Variants in RAVER1 observed in about 807,000 individuals in gnomAD.
RAVER1 encodes the protein ribonucleoprotein, PTB binding 1.
Under a neutral mutation model 68.4 loss-of-function variants are expected in RAVER1, and 36 were observed. The observed-to-expected ratio is 0.53, with a 90% CI of 0.40 to 0.70. The LOEUF (loss-of-function observed/expected upper bound fraction) is 0.70, where lower values mean the gene tolerates loss of function less well. Ranked by LOEUF, RAVER1 falls within the 30% of genes least tolerant of loss-of-function variation. The pLI is 0.00. For synonymous variants in RAVER1, 469 were observed against 472.7 expected, an observed-to-expected ratio of 0.99 and a Z score of 0.10; for missense variants, 933 against 1,019.8, an observed-to-expected ratio of 0.91 and a Z score of 1.16.
intron 3 of RAVER1, among the ~76,000 whole-genome samples, chr19:10,325,391 A>ATT (rs879707839): frequency 6.8e-6 from 1 of 147,038 alleles, no homozygotes; most frequent in Non-Finnish European, 1.5e-5. Flanking sequence ...CACCCAGCTA[A>ATT]TTTTTTTTTT....
rs776105690 is a variant in RAVER1, at chr19:10,317,604, G to C, written c.2074-4C>G. On this transcript the variant is annotated splice_region_variant and splice_polypyrimidine_tract_variant and intron_variant, in intron 12 of 12. Coordinates refer to ENST00000617231, the MANE Select transcript of RAVER1 (RefSeq NM_133452.3). This position sits in a 1 kb window ranked among gnomAD's most constrained non-coding sequence, Gnocchi z 4.3. ...GTTTCTGGCCGCCCAGTGGGGTCTG[G>C]AGACAGAGGGCAGGGCGGGGCGGGT... is the stretch of plus-strand genomic sequence containing the variant. The C allele has an allele frequency of 2.5e-6, 4 of 1,600,348 alleles. No homozygotes were observed. The South Asian group carries it at 4.4e-5, about 18-fold the overall frequency.
chr19:10,321,122 C>CG lies in RAVER1; in HGVS notation c.1398dup (p.Ala467ArgfsTer58). 2 of 1,312,124 alleles carry CG rather than the reference C, an allele frequency of 1.5e-6. No individual in the cohort carries two copies. The highest frequency in any genetic ancestry group is 9.7e-7 in the Non-Finnish European group (1 of 1,031,400). 81.3% of individuals were successfully genotyped at this position (1,312,124 alleles called of 1,614,324 possible). Reference sequence around the variant, plus strand: ...CCAGAGCCTCGGAGCCCCACAGGGGCGGGGGGAGGAGTGAGCTGGGCCGCT... The same window carrying CG: ...CCAGAGCCTCGGAGCCCCACAGGGGCGGGGGGGAGGAGTGAGCTGGGCCGCT... On this transcript the variant is annotated frameshift_variant, in exon 8 of 13. Transcript: ENST00000617231. LOFTEE classifies it high-confidence loss of function.
chr19:10,327,462 A>G (rs2145079561), intron 3 of RAVER1, among the ~76,000 whole-genome samples: 1 of 152,220 alleles, frequency 6.6e-6, no homozygotes, highest in South Asian at 2.1e-4. Flanking sequence ...CATATTGCCC[A>G]GGCTGGTCTC....
rs964472102 is a variant in RAVER1, at chr19:10,326,612, C to CT, written c.756+2029dup. Among the ~76,000 whole-genome samples the CT allele has an allele frequency of 6.5e-3, 957 of 146,706 alleles. 12 individuals are homozygous for CT. The highest frequency in any genetic ancestry group is 0.021 in the African/African-American group (844 of 40,072). ...GGCGCGTGGCGCCATGCCTGGCTAC[C>CT]TTTTTTTTTTTGTTGTATTTTTAGT... On this transcript the variant is annotated intron_variant, in intron 3 of 12. Transcript: ENST00000617231.
At chr19:10,326,755 GTTTTTTT>G (rs34915880) in intron 3 of RAVER1, among the ~76,000 whole-genome samples, 1 of 114,416 alleles carries the variant, frequency 8.7e-6, no homozygotes, top group Non-Finnish European at 1.7e-5. Context: ...CGCCTGGCCT[GTTTTTTT>G]TTTTTTTTTT....
intron 7 of RAVER1, 115 bp downstream of exon 7, chr19:10,321,416 C>A: frequency 1.1e-6 from 1 of 950,232 alleles, no homozygotes; most frequent in East Asian, 3.2e-5. Flanking sequence ...GGAGGGCACC[C>A]AACTGATGGA....
Position 10,322,405 on chromosome 19 carries a change from G to A in RAVER1, c.1173+240C>T, listed in dbSNP as rs909428191. 2.1e-6 allele frequency: 1 copy of A among 481,504 alleles called. No individual in the cohort carries two copies. Among genetic ancestry groups the A allele is most frequent in the Non-Finnish European group, 3.6e-6 (1 of 276,148 alleles). 29.8% of individuals were successfully genotyped at this position (481,504 alleles called of 1,614,324 possible). ...TCCAGGTCCCCTGACCCCACCCCAGGCACCAAGTCCAGGGGCGCTCTCAGA... is the reference window on the plus strand; with the variant it reads ...TCCAGGTCCCCTGACCCCACCCCAGACACCAAGTCCAGGGGCGCTCTCAGA... On this transcript the variant is annotated intron_variant, in intron 6 of 12. Coordinates refer to ENST00000617231, the MANE Select transcript of RAVER1 (RefSeq NM_133452.3). The surrounding 1 kb of genome is among the most constrained non-coding windows in gnomAD (Gnocchi z 4.3).
At chr19:10,331,267 G>A (rs962751136) in intron 1 of RAVER1, among the ~76,000 whole-genome samples, 8 of 149,416 alleles carry the variant, frequency 5.4e-5, no homozygotes, top group African/African-American at 2.0e-4. Flanking sequence ...GGAGAATGGC[G>A]TGAACCCGGG....
rs1437310472 is a variant in RAVER1, at chr19:10,329,038, C to T, written c.360G>A (p.Glu120=). 2 of 1,542,558 alleles carry T rather than the reference C, an allele frequency of 1.3e-6. No individual in the cohort carries two copies. The highest frequency in any genetic ancestry group is 1.4e-5 in the African/African-American group (1 of 73,172). Residue 120 remains glutamate (E), a synonymous_variant, in exon 3 of 13, where the codon GAG becomes GAA. Transcript: ENST00000617231. The surrounding 1 kb of genome is among the most constrained non-coding windows in gnomAD (Gnocchi z 4.6). ...GCTGCAGCTGCACCGACAGTTCACGCTCCCGCAGGCGGCTCTGGTGGAAAG... is the reference window on the plus strand; with the variant it reads ...GCTGCAGCTGCACCGACAGTTCACGTTCCCGCAGGCGGCTCTGGTGGAAAG... ...INAFHQSRLR[E]RELSVQLQPT...
At chr19:10,321,455 C>G in intron 7 of RAVER1, 76 bp downstream of exon 7, 1 of 1,229,322 alleles carries the variant, frequency 8.1e-7, no homozygotes, top group South Asian at 3.3e-5. Context: ...GAGGTTGGGT[C>G]ACTCACCCGA....
intron 6 of RAVER1, 60 bp from the exon 7 acceptor site, chr19:10,321,678 G>T (rs2040439284): frequency 2.3e-6 from 3 of 1,310,932 alleles, no homozygotes; most frequent in Non-Finnish European, 3.0e-6. Flanking sequence ...AAGCAGACAG[G>T]TGTGGCCCAG....
chr19:10,327,593 C>T (rs1277685804), intron 3 of RAVER1, among the ~76,000 whole-genome samples: 3 of 152,190 alleles, frequency 2.0e-5, no homozygotes, highest in Non-Finnish European at 4.4e-5. Flanking sequence ...CCTCCGCTCA[C>T]TGGCCCAAGC....
At position 10,316,629 on chromosome 19, in the gene RAVER1, G is replaced by C. The variant is rs373052846; in HGVS notation, c.*825C>G. ...CTCTGCACGGAGGCCCGGGTAGGAG[G>C]GGGTGGTGGGGCCGGTTCGCCAAGA... On this transcript the variant is annotated 3_prime_UTR_variant, in exon 13 of 13. Transcript: ENST00000617231. 9 of 952,774 alleles carry C rather than the reference G, an allele frequency of 9.4e-6. No individual in the cohort carries two copies. In the East Asian group the frequency reaches 3.4e-4, roughly 36 times the overall value. The allele number at this position is 952,774 out of a possible 1,614,324, so 59.0% of individuals were successfully genotyped here.
chr19:10,319,803 A>G (rs1007015670), intron 9 of RAVER1, among the ~76,000 whole-genome samples: 2 of 95,612 alleles, frequency 2.1e-5, no homozygotes, highest in African/African-American at 7.0e-5. Context: ...TATGAAATAT[A>G]TATTTTATTA....
chr19:10,323,342 C>A lies in RAVER1; in HGVS notation c.948+33G>T, dbSNP rs1453141178. 1.2e-6 allele frequency: 2 copies of A among 1,608,070 alleles called. No individual in the cohort carries two copies. The highest frequency in any genetic ancestry group is 1.1e-5 in the South Asian group (1 of 90,554). On this transcript the variant is annotated intron_variant, in intron 4 of 12. Coordinates refer to ENST00000617231, the MANE Select transcript of RAVER1 (RefSeq NM_133452.3). The surrounding 1 kb of genome is among the most constrained non-coding windows in gnomAD (Gnocchi z 6.2). The stretch of plus-strand genomic sequence containing the variant: ...CTGACATCCCCATGGGGCTCCCATC[C>A]CCACCCCGCCACCTCTGCCCGCACA...
chr19:10,320,931 G>A lies in RAVER1; in HGVS notation c.1494C>T (p.Pro498=), dbSNP rs1322895189. The A allele has an allele frequency of 2.7e-6, 4 of 1,495,844 alleles. No individual in the cohort carries two copies. In the African/African-American group the frequency reaches 4.3e-5, roughly 16 times the overall value. The allele number at this position is 1,495,844 out of a possible 1,614,324, so 92.7% of individuals were successfully genotyped here. A position where few individuals can be genotyped will look rare whatever the true frequency, so the allele number is the denominator to read the frequency against. The change falls in exon 9 of 13, where the codon CCC becomes CCT. Residue 498 remains proline (P), a synonymous_variant. Transcript: ENST00000617231. ...TPPGVSLLGE[P]PKDYRIPLNP... ...TCAGGGGAATCCGGTAGTCCTTGGG[G>A]GGCTCCCCCAGCAGTGAGACCTGTG...
Position 10,328,184 on chromosome 19 carries a change from G to C in RAVER1, c.756+458C>G, listed in dbSNP as rs1156452126. Among the ~76,000 whole-genome samples the C allele has an allele frequency of 6.6e-6, 1 of 152,156 alleles. No homozygotes were observed. The highest frequency in any genetic ancestry group is 1.5e-5 in the Non-Finnish European group (1 of 68,030). On this transcript the variant is annotated intron_variant, in intron 3 of 12. Transcript: ENST00000617231. The surrounding 1 kb of genome is among the most constrained non-coding windows in gnomAD (Gnocchi z 4.4). ...GTACCAGCGAATGAGGAGGTGAGTG[G>C]TGAGCAAGCCTCGAGATCCATAGTT...
Position 10,328,819 on chromosome 19 carries a change from C to T in RAVER1, c.579G>A (p.Leu193=). ...KDSAARAKSD[L]LGKPLGPRTL... is the part of the protein sequence containing the mutation. ...TGCGTGGTCCCAGCGGCTTGCCCAG[C>T]AGGTCCGACTTGGCACGGGCAGCCG... The change falls in exon 3 of 13, where the codon CTG becomes CTA. Residue 193 remains leucine, a synonymous_variant. Transcript: ENST00000617231. The surrounding 1 kb of genome is among the most constrained non-coding windows in gnomAD (Gnocchi z 4.4). The T allele has an allele frequency of 6.2e-7, 1 of 1,612,870 alleles. No individual in the cohort carries two copies. Among genetic ancestry groups the T allele is most frequent in the South Asian group, 1.1e-5 (1 of 91,084 alleles).
chr19:10,333,500 G>T lies in RAVER1; in HGVS notation c.8C>A (p.Ala3Glu), dbSNP rs1470953493. Residue 3 changes from alanine (A) to glutamate (E), a missense_variant, in exon 1 of 13, where the codon GCG (alanine) becomes GAG (glutamate). Ala to Glu is a moderately radical substitution (Grantham distance 107). Transcript: ENST00000617231. The surrounding 1 kb of genome is among the most constrained non-coding windows in gnomAD (Gnocchi z 4.2). MA[A>E]DVSVTHRPPL... ...GGGCCGGTGAGTAACGGACACGTCC[G>T]CCGCCATCTTGGGAAACCCGGCGCC... 6.3e-7 allele frequency: 1 copy of T among 1,598,338 alleles called. No homozygotes were observed.
Sources: gnomAD v4.1 joint callset for allele counts (sites outside exome capture counted in the v4.1 genomes callset) on GRCh38, gnomAD v4.1.1 for gene constraint, Gnocchi (gnomAD v3.1) non-coding constraint, MANE v1.5 for transcripts, NCBI Gene and HGNC (gene_info 2026-07-23, HGNC 2026-07-21) for gene names.